Variants in EPAS1 observed in about 807,000 individuals in gnomAD.
EPAS1 encodes endothelial PAS domain protein 1.
Under a neutral mutation model 87.9 loss-of-function variants are expected in EPAS1, and 23 were observed. The observed-to-expected ratio is 0.26, with a 90% CI of 0.19 to 0.37. The LOEUF is 0.37. Among genes scored for constraint, EPAS1 ranks in the 10% least tolerant of loss-of-function variants. EPAS1 has a pLI of 1.00. For synonymous variants in EPAS1, 508 were observed against 444.3 expected, an observed-to-expected ratio of 1.14 and a Z score of -1.80; for missense variants, 1,138 against 1,120.7, an observed-to-expected ratio of 1.02 and a Z score of -0.22.
chr2:46,367,650 G>C (rs1203154931), intron 6 of EPAS1, among the ~76,000 whole-genome samples: 1 of 152,368 alleles, frequency 6.6e-6, no homozygotes, highest in South Asian at 2.1e-4. Context: ...CGACGGGACA[G>C]ATCCTTCTGC....
intron 1 of EPAS1, among the ~76,000 whole-genome samples, chr2:46,323,340 A>T (rs546685263): frequency 1.3e-5 from 2 of 152,380 alleles, no homozygotes; most frequent in South Asian, 4.1e-4. Context: ...TTAAGAAAGG[A>T]AAAATAAAGT....
chr2:46,361,529 C>G (rs938058517), intron 6 of EPAS1, among the ~76,000 whole-genome samples: 6 of 152,158 alleles, frequency 3.9e-5, no homozygotes, highest in African/African-American at 1.4e-4. Flanking sequence ...GCCTTTCCCT[C>G]CGCCTTGTTC....
intron 2 of EPAS1, among the ~76,000 whole-genome samples, chr2:46,350,204 A>G (rs1478419265): frequency 1.3e-5 from 2 of 152,228 alleles, no homozygotes; most frequent in Non-Finnish European, 2.9e-5. Context: ...AGCAATTTCT[A>G]TCAAAATGCA....
intron 1 of EPAS1, among the ~76,000 whole-genome samples, chr2:46,310,159 T>C (rs879752213): frequency 6.6e-6 from 1 of 152,000 alleles, no homozygotes; most frequent in African/African-American, 2.4e-5. Context: ...GACAGCTTGC[T>C]GTATCCTAAA....
In EPAS1 at chr2:46,380,413, A is replaced by G. The variant is rs762981827; in HGVS notation, c.1741A>G (p.Ser581Gly). Residue 581 changes from serine (S) to glycine (G), a missense_variant, in exon 12 of 16, where the codon AGT (serine) becomes GGT (glycine). Around this residue, in one of 4 missense-constraint regions of EPAS1, gnomAD observed 502 missense variants for 427.1 expected, o/e 1.18. Coordinates refer to ENST00000263734, the MANE Select transcript of EPAS1 (RefSeq NM_001430.5). The surrounding 1 kb of genome is among the most constrained non-coding windows in gnomAD (Gnocchi z 4.4). ...GCCACTGGCCCCTGTAGCCCCGCAC[A>G]GTCCCTTCCTCCTGGACAAGTTTCA... Reference protein sequence around the residue: ...FQPLAPVAPHSPFLLDKFQQQ... With the variant: ...FQPLAPVAPHGPFLLDKFQQQ... 1 of 1,614,174 alleles carries G rather than the reference A, an allele frequency of 6.2e-7. No individual in the cohort carries two copies. The highest frequency in any genetic ancestry group is 8.5e-7 in the Non-Finnish European group (1 of 1,180,024).
chr2:46,311,561 C>G (rs1683212385), intron 1 of EPAS1, among the ~76,000 whole-genome samples: 4 of 152,174 alleles, frequency 2.6e-5, no homozygotes, highest in Non-Finnish European at 2.9e-5. Context: ...TCTCACAGCT[C>G]CAGGTGGACC....
At chr2:46,354,190 G>A (rs375133607) in intron 2 of EPAS1, among the ~76,000 whole-genome samples, 3 of 152,190 alleles carry the variant, frequency 2.0e-5, no homozygotes, top group Non-Finnish European at 4.4e-5. Context: ...GCCCTTGAAC[G>A]ACATTTCACA....
chr2:46,316,662 TC>T (rs1303313817), intron 1 of EPAS1, among the ~76,000 whole-genome samples: 1 of 152,186 alleles, frequency 6.6e-6, no homozygotes, highest in Non-Finnish European at 1.5e-5. Flanking sequence ...TGGGAGAGGT[TC>T]TTGCCTCCAT....
chr2:46,328,874 CT>C (rs1225283125), intron 1 of EPAS1, among the ~76,000 whole-genome samples: 1 of 152,226 alleles, frequency 6.6e-6, no homozygotes, highest in Admixed American at 6.5e-5. Context: ...CCTTTTTCTT[CT>C]CTTTCACATT....
chr2:46,369,916 C>G lies in EPAS1; in HGVS notation c.869C>G (p.Thr290Ser). 6.2e-7 allele frequency: 1 copy of G among 1,610,564 alleles called. No homozygotes were observed. The highest frequency in any genetic ancestry group is 1.1e-5 in the South Asian group (1 of 90,236). ...CATGCGCTAGACTCCGAGAACATGA[C>G]CAAGAGTCACCAGAACTGTGAGTTC... Reference protein sequence around the residue: ...FYHALDSENMTKSHQNLCTKG... With the variant: ...FYHALDSENMSKSHQNLCTKG... Residue 290 changes from threonine to serine, a missense_variant, in exon 7 of 16, where the codon ACC becomes AGC. Transcript: ENST00000263734.
chr2:46,313,240 T>G (rs902497137), intron 1 of EPAS1, among the ~76,000 whole-genome samples: 7 of 152,176 alleles, frequency 4.6e-5, no homozygotes, highest in Non-Finnish European at 1.0e-4. Flanking sequence ...CCTCTGATCC[T>G]TCATCTGTAA....
chr2:46,359,774 A>G (rs1359414787), intron 4 of EPAS1, among the ~76,000 whole-genome samples: 2 of 152,228 alleles, frequency 1.3e-5, no homozygotes, highest in African/African-American at 4.8e-5. Flanking sequence ...GCAGGATTAT[A>G]TCTTTGAAAG....
chr2:46,313,575 C>T (rs888365800), intron 1 of EPAS1, among the ~76,000 whole-genome samples: 1 of 152,082 alleles, frequency 6.6e-6, no homozygotes, highest in African/African-American at 2.4e-5. Flanking sequence ...CCTCGGCTTC[C>T]TGAGTAGCGG....
rs982925081 is a variant in EPAS1 at position 46,385,864 on chromosome 2, A to G, written c.*1204A>G. ...CACGGCACATTTGGACATTTCCAGA[A>G]CTACCATGAGATGGTTTAGACGGGA... On this transcript the variant is annotated 3_prime_UTR_variant, in exon 16 of 16. Transcript: ENST00000263734. The G allele has an allele frequency of 6.6e-6, 1 of 152,230 alleles. No homozygotes were observed. Among genetic ancestry groups the G allele is most frequent in the Admixed American group, 6.5e-5 (1 of 15,282 alleles). The allele number at this position is 152,230 out of a possible 1,614,324, so 9.4% of individuals were successfully genotyped here.
chr2:46,308,422 A>AT (rs1278565425), intron 1 of EPAS1, among the ~76,000 whole-genome samples: 7 of 120,422 alleles, frequency 5.8e-5, no homozygotes, highest in African/African-American at 2.2e-4. Context: ...AGGATGTCTG[A>AT]TTTTCTGATG....
At chr2:46,314,811 G>C (rs780214670) in intron 1 of EPAS1, among the ~76,000 whole-genome samples, 9 of 152,228 alleles carry the variant, frequency 5.9e-5, no homozygotes, top group Non-Finnish European at 8.8e-5. Context: ...GGAAGTCGCT[G>C]TTGGGCATGG....
In EPAS1 at chr2:46,375,665, C is replaced by T. The variant is rs994971322; in HGVS notation, c.887-25C>T. On this transcript the variant is annotated intron_variant, in intron 7 of 15. Transcript: ENST00000263734. This position sits in a 1 kb window ranked among gnomAD's most constrained non-coding sequence, Gnocchi z 4.1. ...CACACCCCTGCCCCACCTCCCTAAGCTCAGCTCTGTTTCTCCTCCCCTAGT... is the reference window on the plus strand; with the variant it reads ...CACACCCCTGCCCCACCTCCCTAAGTTCAGCTCTGTTTCTCCTCCCCTAGT... The T allele has an allele frequency of 9.9e-6, 16 of 1,612,152 alleles. No homozygotes were observed. Among genetic ancestry groups the T allele is most frequent in the Middle Eastern group, 1.6e-4 (1 of 6,082 alleles).
chr2:46,380,999 C>T lies in EPAS1; in HGVS notation c.2045+282C>T, dbSNP rs910618438. On this transcript the variant is annotated intron_variant, in intron 12 of 15. Coordinates refer to ENST00000263734, the MANE Select transcript of EPAS1 (RefSeq NM_001430.5). This position sits in a 1 kb window ranked among gnomAD's most constrained non-coding sequence, Gnocchi z 4.4. ...TTCGGACCACCACCAGAGTGCCTTT[C>T]GTATCTCGGTTCATCATCTGAGCCA... Among the ~76,000 whole-genome samples the T allele has an allele frequency of 6.6e-6, 1 of 152,258 alleles. No homozygotes were observed. Among genetic ancestry groups the T allele is most frequent in the Admixed American group, 6.5e-5 (1 of 15,302 alleles).
chr2:46,369,312 A>G (rs1684573273), intron 6 of EPAS1, among the ~76,000 whole-genome samples: 1 of 152,128 alleles, frequency 6.6e-6, no homozygotes, highest in Non-Finnish European at 1.5e-5. Context: ...TGACACAGAG[A>G]CAAAGGTGGC....
Sources: gnomAD v4.1 joint callset for allele counts (sites outside exome capture counted in the v4.1 genomes callset) on GRCh38, gnomAD v4.1.1 for gene constraint, gnomAD v4.1.1 regional missense constraint, Gnocchi (gnomAD v3.1) non-coding constraint, MANE v1.5 for transcripts, NCBI Gene and HGNC (gene_info 2026-07-23, HGNC 2026-07-21) for gene names.